Variants in TBC1D5 observed in about 807,000 individuals in gnomAD.
TBC1D5 encodes TBC1 domain family member 5, also known as TBC1 domain family, member 5.
In TBC1D5, 75 loss-of-function variants were observed where a neutral mutation model predicts 100.3. The observed-to-expected ratio is 0.75, with a 90% CI of 0.62 to 0.91. TBC1D5 has a LOEUF of 0.91. Among genes scored for constraint, TBC1D5 ranks in the 40% least tolerant of loss-of-function variants. TBC1D5 has a pLI of 0.00. For synonymous variants in TBC1D5, 323 were observed against 325.6 expected, an observed-to-expected ratio of 0.99 and a Z score of 0.09; for missense variants, 910 against 942.4, an observed-to-expected ratio of 0.97 and a Z score of 0.45.
At chr3:17,547,248 A>G (rs2096426299) in intron 2 of TBC1D5, among the ~76,000 whole-genome samples, 1 of 152,130 alleles carries the variant, frequency 6.6e-6, no homozygotes, top group South Asian at 2.1e-4. Context: ...TAAAAACAAT[A>G]AATATCAAAT....
At chr3:17,741,327 A>C (rs1377731845), upstream of TBC1D5, among the ~76,000 whole-genome samples, 1 of 152,264 alleles carries the variant, frequency 6.6e-6, no homozygotes, top group Non-Finnish European at 1.5e-5. Context: ...GAATTCAGAG[A>C]TATGGTATGA....
chr3:17,530,985 G>A (rs997925744), intron 2 of TBC1D5, among the ~76,000 whole-genome samples: 1 of 152,170 alleles, frequency 6.6e-6, no homozygotes, highest in Admixed American at 6.5e-5. Flanking sequence ...TCTGGCCAGG[G>A]CAATTAGGCA....
chr3:17,686,575 T>C (rs1349065540), intron 1 of TBC1D5, among the ~76,000 whole-genome samples: 4 of 152,152 alleles, frequency 2.6e-5, no homozygotes, highest in Non-Finnish European at 4.4e-5. Context: ...CCCAGTAAAA[T>C]TATGTATACT....
chr3:17,281,278 GAC>G (rs1265876447), intron 15 of TBC1D5, among the ~76,000 whole-genome samples: 3 of 152,208 alleles, frequency 2.0e-5, no homozygotes. Context: ...TTTAGAGAAA[GAC>G]ACAGTGTAGG....
At chr3:17,301,226 T>C (rs2082798229) in intron 14 of TBC1D5, among the ~76,000 whole-genome samples, 1 of 152,166 alleles carries the variant, frequency 6.6e-6, no homozygotes, top group Non-Finnish European at 1.5e-5. Flanking sequence ...AAATAAAAGG[T>C]ATGTTATGTT....
upstream of TBC1D5, among the ~76,000 whole-genome samples, chr3:17,741,793 C>G (rs2077460983): frequency 6.8e-6 from 1 of 147,910 alleles, no homozygotes; most frequent in Non-Finnish European, 1.5e-5. Flanking sequence ...ATTTGCCCTC[C>G]CTGCGAATTT....
At chr3:17,307,949 C>A in intron 14 of TBC1D5, 43 bp downstream of exon 14, 2 of 1,570,986 alleles carry the variant, frequency 1.3e-6, no homozygotes, top group African/African-American at 1.4e-5. Context: ...TTTTGAAAAT[C>A]AGGAGTACCT....
chr3:17,228,046 T>C (rs1030009981), intron 17 of TBC1D5, among the ~76,000 whole-genome samples: 10 of 152,060 alleles, frequency 6.6e-5, no homozygotes, highest in African/African-American at 2.4e-4. Flanking sequence ...TGGTGGTTGA[T>C]GGCAGTTACT....
intron 16 of TBC1D5, among the ~76,000 whole-genome samples, chr3:17,249,766 G>T (rs762690477): frequency 6.6e-6 from 1 of 152,166 alleles, no homozygotes; most frequent in Non-Finnish European, 1.5e-5. Context: ...TCAAGGAATA[G>T]GGAGGCCCAA....
chr3:17,539,746 AT>A (rs1290666195), intron 2 of TBC1D5, among the ~76,000 whole-genome samples: 1 of 152,170 alleles, frequency 6.6e-6, no homozygotes, highest in African/African-American at 2.4e-5. Flanking sequence ...TTAAAGTTTC[AT>A]TTTTAGTTTA....
chr3:17,348,249 T>C (rs1291495200), intron 13 of TBC1D5, among the ~76,000 whole-genome samples: 2 of 152,228 alleles, frequency 1.3e-5, no homozygotes, highest in East Asian at 1.9e-4. Flanking sequence ...GAATTCTTCA[T>C]GTAAAAGTAC....
intron 3 of TBC1D5, among the ~76,000 whole-genome samples, chr3:17,486,323 G>T (rs1031477629): frequency 2.0e-5 from 3 of 152,156 alleles, no homozygotes; most frequent in African/African-American, 7.2e-5. Context: ...CATTTGCTGT[G>T]CAGAAGCTCT....
chr3:17,168,405 A>C (rs1420132141), intron 19 of TBC1D5, among the ~76,000 whole-genome samples: 1 of 152,334 alleles, frequency 6.6e-6, no homozygotes, highest in Middle Eastern at 3.4e-3. Flanking sequence ...TAGCCGCCAC[A>C]TGAGAAGTCT....
At chr3:17,374,587 G>C (rs764468306) in intron 11 of TBC1D5, 42 bp downstream of exon 11, 10 of 1,608,774 alleles carry the variant, frequency 6.2e-6, no homozygotes, top group Non-Finnish European at 8.5e-6. Context: ...TTAAAATAAT[G>C]ATGGTATAAA....
At chr3:17,641,888 A>AG (rs1489270709) in intron 1 of TBC1D5, among the ~76,000 whole-genome samples, 3 of 152,176 alleles carry the variant, frequency 2.0e-5, no homozygotes, top group Non-Finnish European at 4.4e-5. Flanking sequence ...TTATAAATGC[A>AG]GACTAATGAC....
At chr3:17,244,876 C>T (rs925507603) in intron 16 of TBC1D5, among the ~76,000 whole-genome samples, 14 of 151,952 alleles carry the variant, frequency 9.2e-5, no homozygotes, top group Admixed American at 2.6e-4. Context: ...TCAGGATATA[C>T]TTCTATTTAA....
Position 17,179,009 on chromosome 3 carries a change from C to T in TBC1D5, c.1852+6100G>A, listed in dbSNP as rs116744808. Among the ~76,000 whole-genome samples the T allele has an allele frequency of 5.2e-3, 789 of 151,906 alleles. 9 individuals carry two copies. The highest frequency in any genetic ancestry group is 0.018 in the African/African-American group (738 of 41,392). ...TGGAGGGCAGTCGCTATTCACAGGC[C>T]GGATCACAGCACACTGCACCCTCGA... On this transcript the variant is annotated intron_variant, in intron 19 of 21. Coordinates refer to ENST00000253692, the Ensembl canonical transcript of TBC1D5.
intron 18 of TBC1D5, among the ~76,000 whole-genome samples, chr3:17,203,952 C>T (rs749323493): frequency 6.6e-6 from 1 of 152,184 alleles, no homozygotes; most frequent in African/African-American, 2.4e-5. Flanking sequence ...AAAGGGAGTT[C>T]CTTAGCCCTA....
At chr3:17,413,112 G>A (rs2093980355) in intron 4 of TBC1D5, among the ~76,000 whole-genome samples, 1 of 152,122 alleles carries the variant, frequency 6.6e-6, no homozygotes, top group South Asian at 2.1e-4. Context: ...CCTTAACAAA[G>A]CATTAGTGCC....
Sources: allele counts gnomAD v4.1 joint callset (sites outside exome capture counted in the v4.1 genomes callset), GRCh38; gene constraint gnomAD v4.1.1; transcripts MANE v1.5; gene names NCBI Gene and HGNC (gene_info 2026-07-23, HGNC 2026-07-21).